The following TNKS variants were observed in gnomAD, a reference collection of about 807,000 sequenced individuals.
TNKS encodes the protein tankyrase, also known as poly [ADP-ribose] polymerase tankyrase-1.
TNKS carries 72 observed loss-of-function variants against 135.8 expected under a neutral mutation model. That is an observed-to-expected ratio of 0.53 (90% CI 0.44 to 0.64). TNKS has a LOEUF of 0.64. Among genes scored for constraint, TNKS ranks in the 30% least tolerant of loss-of-function variants. The pLI is 0.00. For synonymous variants in TNKS, 849 were observed against 649.3 expected, an observed-to-expected ratio of 1.31 and a Z score of -4.68; for missense variants, 1,769 against 1,674.0, an observed-to-expected ratio of 1.06 and a Z score of -0.99.
intron 3 of TNKS, among the ~76,000 whole-genome samples, chr8:9,671,977 C>T (rs1030167431): frequency 3.3e-5 from 5 of 152,140 alleles, no homozygotes; most frequent in Admixed American, 6.5e-5. Flanking sequence ...GTGAACCTTC[C>T]CTTTGTCCAT....
chr8:9,711,019 A>G (rs1804303893), intron 11 of TNKS, among the ~76,000 whole-genome samples: 1 of 152,192 alleles, frequency 6.6e-6, no homozygotes, highest in Admixed American at 6.5e-5. Flanking sequence ...AACTTTGTCA[A>G]GCACTTAAGA....
intron 1 of TNKS, chr8:9,557,782 T>G (rs995752630): frequency 1.3e-5 from 2 of 152,230 alleles, no homozygotes; most frequent in African/African-American, 4.8e-5. Flanking sequence ...GTATTTATTT[T>G]TACCACACTT....
chr8:9,703,572 G>A (rs1261682890), intron 5 of TNKS, among the ~76,000 whole-genome samples: 1 of 152,150 alleles, frequency 6.6e-6, no homozygotes, highest in Non-Finnish European at 1.5e-5. Context: ...TGATAGCTGT[G>A]CATTGCTCAA....
At position 9,590,943 on chromosome 8, in the gene TNKS, C is replaced by A. The variant is rs182564258; in HGVS notation, c.898+10560C>A. Among the ~76,000 whole-genome samples the A allele has an allele frequency of 3.8e-3, 580 of 152,278 alleles. 7 individuals are homozygous for A. Among genetic ancestry groups the A allele is most frequent in the African/African-American group, 0.013 (554 of 41,564 alleles). On this transcript the variant is annotated intron_variant, in intron 2 of 26. Transcript: ENST00000310430. ...ACATTAAAAAGTCTGTTTCTGCTTT[C>A]GTTGCTTGTGCTTTGGTATCTTATC...
chr8:9,606,999 G>A (rs1157366594), intron 2 of TNKS, among the ~76,000 whole-genome samples: 1 of 152,070 alleles, frequency 6.6e-6, no homozygotes, highest in Non-Finnish European at 1.5e-5. Context: ...AGTATTATGT[G>A]TCTAGACTAG....
chr8:9,748,348 C>T (rs1585412004), intron 18 of TNKS, 136 bp downstream of exon 18: 2 of 675,444 alleles, frequency 3.0e-6, no homozygotes, highest in Non-Finnish European at 4.2e-6. Context: ...TTTTGAAGTT[C>T]ACACTTTTTC....
chr8:9,703,095 G>A (rs538490168), intron 5 of TNKS, among the ~76,000 whole-genome samples: 109 of 152,216 alleles, frequency 7.2e-4, no homozygotes, highest in African/African-American at 2.4e-3. Flanking sequence ...CTTATCCTCG[G>A]GAGATAACGT....
chr8:9,720,947 C>G (rs953051628), intron 12 of TNKS, among the ~76,000 whole-genome samples: 2 of 152,192 alleles, frequency 1.3e-5, no homozygotes, highest in South Asian at 4.2e-4. Context: ...TTCTTAACTT[C>G]ATTGCATTAT....
intron 3 of TNKS, among the ~76,000 whole-genome samples, chr8:9,660,076 G>A (rs1801621989): frequency 6.6e-6 from 1 of 152,198 alleles, no homozygotes; most frequent in Non-Finnish European, 1.5e-5. Context: ...AACAGGCTCT[G>A]AAATTGAGGC....
chr8:9,637,515 A>C (rs1457796085), intron 3 of TNKS, among the ~76,000 whole-genome samples: 2 of 152,108 alleles, frequency 1.3e-5, no homozygotes, highest in African/African-American at 4.8e-5. Context: ...TACCCTTTTA[A>C]TGCACTGAGA....
intron 3 of TNKS, among the ~76,000 whole-genome samples, chr8:9,658,640 G>T (rs1216521196): frequency 2.0e-5 from 3 of 152,216 alleles, no homozygotes; most frequent in African/African-American, 4.8e-5. Flanking sequence ...ATGCCAAATT[G>T]TAAAGACCTT....
At chr8:9,561,125 A>G (rs890521523) in intron 1 of TNKS, among the ~76,000 whole-genome samples, 2 of 152,202 alleles carry the variant, frequency 1.3e-5, no homozygotes, top group African/African-American at 4.8e-5. Flanking sequence ...TCCGTCAATC[A>G]TCTTTTTATT....
In TNKS at chr8:9,770,025, A is replaced by T. The variant is rs57864805; in HGVS notation, c.3741-81A>T. ...TTAGCTTGCCTTATGTTAAATTTTTAAAAAATTAATAGATCTAGCAGTTAT... is the reference window on the plus strand; with the variant it reads ...TTAGCTTGCCTTATGTTAAATTTTTTAAAAATTAATAGATCTAGCAGTTAT... On this transcript the variant is annotated intron_variant, in intron 25 of 26. Transcript: ENST00000310430. The T allele has an allele frequency of 1.9e-3, 2,450 of 1,310,238 alleles. 70 individuals are homozygous for T. In the East Asian group the frequency reaches 0.055, roughly 29 times the overall value. The allele number at this position is 1,310,238 out of a possible 1,614,324, so 81.2% of individuals were successfully genotyped here.
intron 12 of TNKS, among the ~76,000 whole-genome samples, chr8:9,723,929 T>C (rs1236156244): frequency 2.6e-5 from 4 of 152,216 alleles, no homozygotes; most frequent in Non-Finnish European, 5.9e-5. Context: ...ATACCTAAAT[T>C]AAACATTGAA....
chr8:9,712,103 A>G (rs779644130), intron 11 of TNKS, among the ~76,000 whole-genome samples: 1 of 152,246 alleles, frequency 6.6e-6, no homozygotes, highest in Admixed American at 6.5e-5. Context: ...CATAGTTAAC[A>G]ATGCATTTAT....
chr8:9,591,189 A>G (rs550241131), intron 2 of TNKS, among the ~76,000 whole-genome samples: 5 of 152,226 alleles, frequency 3.3e-5, no homozygotes, highest in South Asian at 4.1e-4. Flanking sequence ...CTTAGTAATA[A>G]TTTACTCCCT....
intron 7 of TNKS, 28 bp downstream of exon 7, chr8:9,706,281 C>G: frequency 7.1e-7 from 1 of 1,415,874 alleles, no homozygotes; most frequent in Non-Finnish European, 9.3e-7. Context: ...TATTGAGCAT[C>G]ATTTACTTTT....
At chr8:9,664,760 A>G (rs2128789721) in intron 3 of TNKS, among the ~76,000 whole-genome samples, 1 of 152,366 alleles carries the variant, frequency 6.6e-6, no homozygotes, top group Non-Finnish European at 1.5e-5. Context: ...TCAATTTTAT[A>G]TAATTAACAA....
At chr8:9,714,405 G>C (rs1369737153) in intron 11 of TNKS, among the ~76,000 whole-genome samples, 1 of 151,380 alleles carries the variant, frequency 6.6e-6, no homozygotes, top group Non-Finnish European at 1.5e-5. Flanking sequence ...ATAATGTTTT[G>C]GTTATTTGTG....
Sources: gnomAD v4.1 joint callset for allele counts (sites outside exome capture counted in the v4.1 genomes callset) on GRCh38, gnomAD v4.1.1 for gene constraint, MANE v1.5 for transcripts, NCBI Gene and HGNC (gene_info 2026-07-23, HGNC 2026-07-21) for gene names.